Variants in GREB1 observed in about 807,000 individuals in gnomAD.
The protein encoded by GREB1 is growth regulating estrogen receptor binding 1.
In GREB1, 106 loss-of-function variants were observed where a neutral mutation model predicts 200.7. The observed-to-expected ratio is 0.53, with a 90% CI of 0.45 to 0.62. GREB1 has a LOEUF of 0.62. GREB1 is among the 20% of genes least tolerant of loss of function. GREB1 has a pLI of 0.00. For missense variants in GREB1, 2,243 were observed against 2,556.8 expected (o/e 0.88, Z 2.65); for synonymous variants, 1,132 against 1,092.4 (o/e 1.04, Z -0.72).
intron 1 of GREB1, among the ~76,000 whole-genome samples, chr2:11,514,464 A>C (rs1320710213): frequency 6.6e-6 from 1 of 152,214 alleles, no homozygotes; most frequent in Non-Finnish European, 1.5e-5. Context: ...TGTTTCCATG[A>C]TCAGATGTCA....
At chr2:11,553,260 C>T (rs973570281) in intron 1 of GREB1, among the ~76,000 whole-genome samples, 1 of 152,038 alleles carries the variant, frequency 6.6e-6, no homozygotes, top group African/African-American at 2.4e-5. Context: ...TGCCTGTGGT[C>T]TCAGCACTTT....
At chr2:11,508,894 G>GTTTTA (rs1673262228) in intron 1 of GREB1, among the ~76,000 whole-genome samples, 8 of 142,622 alleles carry the variant, frequency 5.6e-5, no homozygotes, top group African/African-American at 2.1e-4. Context: ...TTTTTTTTCG[G>GTTTTA]GACAGAGTCT....
At chr2:11,497,155 C>G (rs1672910260) in intron 1 of GREB1, among the ~76,000 whole-genome samples, 1 of 152,168 alleles carries the variant, frequency 6.6e-6, no homozygotes, top group African/African-American at 2.4e-5. Context: ...AATTGGTGAT[C>G]TGTTCTCTAT....
At chr2:11,516,633 T>C (rs138143237) in intron 1 of GREB1, among the ~76,000 whole-genome samples, 109 of 152,258 alleles carry the variant, frequency 7.2e-4, no homozygotes, top group African/African-American at 2.6e-3. Context: ...CCTTTCTTAC[T>C]AAGGCTGTGG....
At chr2:11,558,447 G>T (rs115142511) in intron 2 of GREB1, among the ~76,000 whole-genome samples, 2 of 152,162 alleles carry the variant, frequency 1.3e-5, no homozygotes, top group African/African-American at 4.8e-5. Flanking sequence ...TCATTCCTCC[G>T]GTGCTGCGGT....
chr2:11,537,785 C>G (rs949033123), intron 1 of GREB1, among the ~76,000 whole-genome samples: 11 of 147,674 alleles, frequency 7.4e-5, no homozygotes, highest in African/African-American at 2.7e-4. Flanking sequence ...ACTATTTTAA[C>G]ATAAAATACA....
In GREB1 at chr2:11,483,341, T is replaced by TGTGA. The variant is rs148378609; in HGVS notation, c.-159+961_-159+962insTGAG. Among the ~76,000 whole-genome samples the TGTGA allele has an allele frequency of 7.5e-4, 112 of 149,354 alleles. 1 individual carries two copies. The highest frequency in any genetic ancestry group is 4.6e-3 in the Admixed American group (70 of 15,060). On this transcript the variant is annotated intron_variant, in intron 1 of 2. Transcript: ENST00000628795. ...CGGTGTGCGCGCGCGTGTGTGTGTG[T>TGTGA]GAGAGAGAGAGAGCACCCGAGGCTC...
chr2:11,585,414 C>T lies in GREB1; in HGVS notation c.1015+140C>T, dbSNP rs1338555697. ...TACTGATGAGGGAGTTCTAAGGAGG[C>T]AGAGTTTGGTGTGACAAAAGACCTC... On this transcript the variant is annotated intron_variant, in intron 8 of 32. Coordinates refer to ENST00000381486, the MANE Select transcript of GREB1 (RefSeq NM_014668.4). 13 of 610,436 alleles carry T rather than the reference C, an allele frequency of 2.1e-5. No individual in the cohort carries two copies. The East Asian group carries it at 3.1e-4, about 15-fold the overall frequency. 37.8% of individuals were successfully genotyped at this position (610,436 alleles called of 1,614,324 possible).
At chr2:11,584,990 T>C (rs1448078264) in intron 7 of GREB1, 171 bp from the exon 8 acceptor site, 3 of 491,892 alleles carry the variant, frequency 6.1e-6, no homozygotes, top group Non-Finnish European at 1.1e-5. Context: ...TTTACAAAAA[T>C]TGACATTTCC....
chr2:11,626,250 A>G (rs950183604), intron 24 of GREB1, among the ~76,000 whole-genome samples: 3 of 152,014 alleles, frequency 2.0e-5, no homozygotes, highest in Non-Finnish European at 4.4e-5. Context: ...GCCAGTCTCT[A>G]ATGAAGGCTG....
rs143176660 is a variant in GREB1, at chr2:11,559,908, G to A, written c.158-2555G>A. Among the ~76,000 whole-genome samples, 566 of 152,284 alleles carry A rather than the reference G, an allele frequency of 3.7e-3. 4 individuals are homozygous for A. Among genetic ancestry groups the A allele is most frequent in the African/African-American group, 0.013 (529 of 41,544 alleles). ...TAAGCCCAGGAAATCTGAGAGATCA[G>A]GAGTTCCTGAGTCACCTCCTGCTGT... On this transcript the variant is annotated intron_variant, in intron 2 of 32. Coordinates refer to ENST00000381486, the MANE Select transcript of GREB1 (RefSeq NM_014668.4).
chr2:11,560,721 C>T (rs750355911), intron 2 of GREB1, among the ~76,000 whole-genome samples: 1 of 151,410 alleles, frequency 6.6e-6, no homozygotes, highest in Non-Finnish European at 1.5e-5. Flanking sequence ...AAGAAATAAG[C>T]GAAGAGTGCC....
At chr2:11,529,438 A>G (rs1673990840), upstream of GREB1, among the ~76,000 whole-genome samples, 1 of 152,190 alleles carries the variant, frequency 6.6e-6, no homozygotes, top group Non-Finnish European at 1.5e-5. Context: ...AAAAATTCAA[A>G]AGTCTGACGG....
At chr2:11,614,649 T>C (rs548007991) in intron 19 of GREB1, among the ~76,000 whole-genome samples, 16 of 151,642 alleles carry the variant, frequency 1.1e-4, no homozygotes, top group East Asian at 5.9e-4. Context: ...CGGCAAGCTC[T>C]GCCTCCCGGG....
intron 11 of GREB1, 42 bp from the exon 12 acceptor site, chr2:11,595,209 G>A (rs761126147): frequency 1.3e-6 from 2 of 1,577,696 alleles, no homozygotes; most frequent in Non-Finnish European, 1.7e-6. Context: ...CCCGTAAGCA[G>A]GGAAGATACA....
rs201040158 is a variant in GREB1 at position 11,615,221 on chromosome 2, G to A, written c.3253G>A (p.Glu1085Lys). The change falls in exon 20 of 33, where the codon GAG (glutamate) becomes AAG (lysine). Residue 1085 changes from glutamate (E) to lysine (K), a missense_variant. Physicochemically the swap from Glu to Lys is moderately conservative, Grantham distance 56. This residue lies in a region of GREB1 where 587 missense variants were observed against 553.1 expected (regional missense o/e 1.06). Transcript: ENST00000381486. Reference protein sequence around the residue: ...EVPLEKGARNEALESDAEKLS... With the variant: ...EVPLEKGARNKALESDAEKLS... ...TCCCTTGGAGAAGGGGGCTAGGAAC[G>A]AGGCCTTGGAGAGTGATGCTGAGAA... The A allele has an allele frequency of 1.5e-4, 235 of 1,613,308 alleles. No individual in the cohort carries two copies. The highest frequency in any genetic ancestry group is 1.8e-4 in the Non-Finnish European group (215 of 1,179,684).
intron 29 of GREB1, 45 bp downstream of exon 29, chr2:11,634,394 C>T (rs201564195): frequency 3.0e-5 from 45 of 1,497,978 alleles, no homozygotes; most frequent in African/African-American, 1.1e-4. Context: ...GCCCTGGGGG[C>T]GCAGAGTCCT....
chr2:11,629,904 G>A lies in GREB1; in HGVS notation c.4450-44G>A. 1 of 1,600,672 alleles carries A rather than the reference G, an allele frequency of 6.2e-7. No homozygotes were observed. Among genetic ancestry groups the A allele is most frequent in the Non-Finnish European group, 8.5e-7 (1 of 1,170,682 alleles). ...GGGCCTGGGGTCTTCTGGGAAGCAG[G>A]CCGGACTCTGACGGCAAGCTCTGTC... On this transcript the variant is annotated intron_variant, in intron 25 of 32. Transcript: ENST00000381486. The surrounding 1 kb of genome is among the most constrained non-coding windows in gnomAD (Gnocchi z 5.2).
At chr2:11,604,016 G>A (rs959878867) in intron 17 of GREB1, among the ~76,000 whole-genome samples, 5 of 152,242 alleles carry the variant, frequency 3.3e-5, no homozygotes, top group Middle Eastern at 3.4e-3. Flanking sequence ...CCAAAACCAC[G>A]TAGCCACCAA....
Sources: gnomAD v4.1 joint callset for allele counts (sites outside exome capture counted in the v4.1 genomes callset) on GRCh38, gnomAD v4.1.1 for gene constraint, gnomAD v4.1.1 regional missense constraint, Gnocchi (gnomAD v3.1) non-coding constraint, MANE v1.5 for transcripts, NCBI Gene and HGNC (gene_info 2026-07-23, HGNC 2026-07-21) for gene names.